GRM8: variants seen among roughly 807,000 people sequenced by gnomAD.
GRM8 encodes metabotropic glutamate receptor 8.
GRM8 carries 47 observed loss-of-function variants against 87.2 expected under a neutral mutation model. The observed-to-expected ratio is 0.54, with a 90% CI of 0.43 to 0.69. The LOEUF is 0.69. GRM8 is among the 30% of genes least tolerant of loss of function. The pLI, the probability that GRM8 is intolerant of heterozygous loss-of-function variation, is 0.00. For synonymous variants in GRM8, 396 were observed against 404.5 expected (o/e 0.98, Z 0.25); for missense variants, 1,019 against 1,139.2 (o/e 0.89, Z 1.52).
chr7:126,552,769 A>G (rs553296780), intron 8 of GRM8, among the ~76,000 whole-genome samples: 1 of 152,224 alleles, frequency 6.6e-6, no homozygotes, highest in East Asian at 1.9e-4. Context: ...TGTCATTATA[A>G]ATTTCCAGTT....
At chr7:126,509,970 C>T (rs1330470151) in intron 9 of GRM8, among the ~76,000 whole-genome samples, 2 of 151,954 alleles carry the variant, frequency 1.3e-5, no homozygotes, top group African/African-American at 4.8e-5. Context: ...GAAGAGGAAG[C>T]TTTAAGCACA....
At chr7:126,578,871 T>A (rs1795347532) in intron 8 of GRM8, among the ~76,000 whole-genome samples, 1 of 152,122 alleles carries the variant, frequency 6.6e-6, no homozygotes, top group Non-Finnish European at 1.5e-5. Flanking sequence ...AAAAGACCTA[T>A]TTTTCTCTTC....
chr7:126,721,737 A>G (rs1337627003), intron 7 of GRM8, among the ~76,000 whole-genome samples: 1 of 151,968 alleles, frequency 6.6e-6, no homozygotes, highest in Non-Finnish European at 1.5e-5. Context: ...TGTGAAGATG[A>G]CTTCCCTCTA....
chr7:126,503,666 T>C (rs1213549180), intron 9 of GRM8, among the ~76,000 whole-genome samples: 1 of 152,078 alleles, frequency 6.6e-6, no homozygotes, highest in Non-Finnish European at 1.5e-5. Flanking sequence ...AAATAGTCTG[T>C]ACATTAAAAA....
intron 7 of GRM8, among the ~76,000 whole-genome samples, chr7:126,701,311 C>T (rs1372100133): frequency 6.6e-6 from 1 of 152,104 alleles, no homozygotes; most frequent in Non-Finnish European, 1.5e-5. Context: ...CCTGTCAGTT[C>T]CCACTGCTGA....
At chr7:126,937,587 G>T (rs934156490) in intron 3 of GRM8, among the ~76,000 whole-genome samples, 16 of 152,196 alleles carry the variant, frequency 1.1e-4, no homozygotes, top group Non-Finnish European at 1.5e-5. Flanking sequence ...TGGACAGGGA[G>T]TTATACCCAG....
intron 7 of GRM8, among the ~76,000 whole-genome samples, chr7:126,700,847 C>T (rs1307639171): frequency 6.6e-6 from 1 of 152,082 alleles, no homozygotes; most frequent in East Asian, 1.9e-4. Context: ...ATAATTTTGT[C>T]CTGTTCCCAA....
intron 6 of GRM8, among the ~76,000 whole-genome samples, chr7:126,825,362 G>A (rs1794668024): frequency 1.3e-5 from 2 of 152,050 alleles, no homozygotes; most frequent in South Asian, 2.1e-4. Context: ...CACTATGCCC[G>A]GCCCCAAACA....
chr7:126,454,260 T>C (rs2150495699), intron 9 of GRM8, among the ~76,000 whole-genome samples: 1 of 151,844 alleles, frequency 6.6e-6, no homozygotes, highest in African/African-American at 2.4e-5. Context: ...GAATCCTATA[T>C]TTATCACTGC....
intron 2 of GRM8, among the ~76,000 whole-genome samples, chr7:127,216,669 C>T (rs1796573677): frequency 6.6e-6 from 1 of 152,126 alleles, no homozygotes; most frequent in African/African-American, 2.4e-5. Flanking sequence ...GTAATCCAAA[C>T]TCTGTGGCCT....
intron 6 of GRM8, among the ~76,000 whole-genome samples, chr7:126,887,830 G>A (rs1800644765): frequency 6.6e-6 from 1 of 152,166 alleles, no homozygotes; most frequent in East Asian, 1.9e-4. Flanking sequence ...GATGCAGACT[G>A]GTCCCACAAA....
At chr7:127,024,631 A>G (rs201033434) in intron 3 of GRM8, among the ~76,000 whole-genome samples, 52 of 152,100 alleles carry the variant, frequency 3.4e-4, no homozygotes, top group African/African-American at 1.2e-3. Flanking sequence ...ATAAAATCCA[A>G]ACTTTCCTGT....
chr7:126,665,374 G>A lies in GRM8; in HGVS notation c.1358-55876C>T, dbSNP rs528395296. ...CTGGGTGCCTATCGACAATGGACTG[G>A]GTAAAGAAAACCTAATACGTATTCA... On this transcript the variant is annotated intron_variant, in intron 7 of 10. Coordinates refer to ENST00000339582, the MANE Select transcript of GRM8 (RefSeq NM_000845.3). Among the ~76,000 whole-genome samples, 9 of 152,176 alleles carry A rather than the reference G, an allele frequency of 5.9e-5. No individual in the cohort carries two copies. The South Asian group carries it at 8.3e-4, about 14-fold the overall frequency.
At chr7:126,650,358 C>T (rs1803674231) in intron 7 of GRM8, among the ~76,000 whole-genome samples, 1 of 152,086 alleles carries the variant, frequency 6.6e-6, no homozygotes, top group Admixed American at 6.5e-5. Flanking sequence ...AAGAGAAGAC[C>T]AGGGCCTCGT....
intron 7 of GRM8, among the ~76,000 whole-genome samples, chr7:126,640,458 A>C (rs956378692): frequency 2.0e-5 from 3 of 152,252 alleles, no homozygotes; most frequent in African/African-American, 7.2e-5. Context: ...AGATGAAATC[A>C]ACTACTTTAA....
intron 2 of GRM8, 104 bp downstream of exon 2, chr7:127,242,591 T>G: frequency 9.1e-7 from 1 of 1,102,924 alleles, no homozygotes; most frequent in Non-Finnish European, 1.3e-6. Flanking sequence ...CAAAAGGGTC[T>G]ATGAGCACCT....
At chr7:126,777,239 G>A (rs376976090) in intron 6 of GRM8, among the ~76,000 whole-genome samples, 142 of 152,236 alleles carry the variant, frequency 9.3e-4, no homozygotes, top group African/African-American at 3.2e-3. Flanking sequence ...AGAAGTGAAA[G>A]GGAAGAGGGA....
At chr7:126,702,008 A>C (rs905918737) in intron 7 of GRM8, among the ~76,000 whole-genome samples, 2 of 152,202 alleles carry the variant, frequency 1.3e-5, no homozygotes, top group Non-Finnish European at 2.9e-5. Context: ...CCCCAACTAA[A>C]AGGGAATCTT....
rs556923979 is a variant in GRM8 at position 126,454,147 on chromosome 7, A to G, written c.2431-7775T>C. On this transcript the variant is annotated intron_variant, in intron 9 of 10. Transcript: ENST00000339582. Reference sequence around the variant, plus strand: ...AGAAAGAAGCAAGGAAGAGGAAACAATTGTTTCAGGAACAAAATTTATCTC... The same window carrying G: ...AGAAAGAAGCAAGGAAGAGGAAACAGTTGTTTCAGGAACAAAATTTATCTC... Among the ~76,000 whole-genome samples the G allele has an allele frequency of 2.6e-5, 4 of 151,930 alleles. No homozygotes were observed. The East Asian group carries it at 7.8e-4, about 30-fold the overall frequency.
Sources: gnomAD v4.1 joint callset for allele counts (sites outside exome capture counted in the v4.1 genomes callset) on GRCh38, gnomAD v4.1.1 for gene constraint, MANE v1.5 for transcripts, NCBI Gene and HGNC (gene_info 2026-07-23, HGNC 2026-07-21) for gene names.